TLDC2: variants seen among roughly 807,000 people sequenced by gnomAD.
The protein encoded by TLDC2 is TBC/LysM-associated domain containing 2, also known as TLD domain-containing protein 2.
A neutral mutation model predicts 27.9 loss-of-function variants in TLDC2; 23 were observed. That is an observed-to-expected ratio of 0.82 (90% confidence interval 0.59 to 1.17). The LOEUF is 1.17. Ranked by LOEUF, TLDC2 falls within the 50% of genes most tolerant of loss-of-function variation. The probability of loss-of-function intolerance (pLI) is 0.00; values close to 1 mark genes in which losing one functional copy is unlikely to be tolerated. For synonymous variants in TLDC2, 124 were observed against 107.4 expected, an observed-to-expected ratio of 1.16 and a Z score of -0.96; for missense variants, 286 against 273.4, an observed-to-expected ratio of 1.05 and a Z score of -0.32.
Position 36,877,933 on chromosome 20 carries a change from A to C in TLDC2, c.68A>C (p.Glu23Ala). The change falls in exon 2 of 7, where the codon GAG (glutamate) becomes GCG (alanine). Residue 23 changes from glutamate to alanine, a missense_variant. Physicochemically the swap from Glu to Ala is moderately radical, Grantham distance 107. Coordinates refer to ENST00000217320, the MANE Select transcript of TLDC2 (RefSeq NM_080628.3). ...GTGGAGGACACCCTGTCTGGGGAGG[A>C]GGGTAACGAAGAGGAAGAGGAGGAG... ...SQVEDTLSGEEGNEEEEEEEA... is the reference protein window; with the variant it reads ...SQVEDTLSGEAGNEEEEEEEA... 1 of 1,613,762 alleles carries C rather than the reference A, an allele frequency of 6.2e-7. No homozygotes were observed. The highest frequency in any genetic ancestry group is 8.5e-7 in the Non-Finnish European group (1 of 1,179,902).
In TLDC2 at chr20:36,892,988, G is replaced by A. The variant is rs1468297497; in HGVS notation, c.*144G>A. The A allele has an allele frequency of 1.7e-5, 27 of 1,613,916 alleles. No individual in the cohort carries two copies. Among genetic ancestry groups the A allele is most frequent in the Middle Eastern group, 1.6e-4 (1 of 6,084 alleles). ...CTGCTTTTGGATGCTTCTCGGAGGC[G>A]AGTTGGATTTTGGACTGAAGTACTG... On this transcript the variant is annotated 3_prime_UTR_variant, in exon 7 of 7. Transcript: ENST00000217320.
At chr20:36,880,325 C>T (rs530609498) in intron 3 of TLDC2, among the ~76,000 whole-genome samples, 1 of 151,818 alleles carries the variant, frequency 6.6e-6, no homozygotes, top group East Asian at 1.9e-4. Context: ...AACTCCTGAC[C>T]TCAGGTGATC....
rs1201213281 is a variant in TLDC2, at chr20:36,880,682, A to T, written c.370A>T (p.Ile124Phe). ...QIFGAFSSSA[I>F]RLSKGFYGTG... ...ATTTGGAGCCTTCTCCTCCTCGGCT[A>T]TCCGACTCAGCAAAGGCTTCTATGG... The change falls in exon 4 of 7, where the codon ATC (isoleucine) becomes TTC (phenylalanine). Residue 124 changes from isoleucine to phenylalanine, a missense_variant. Ile to Phe is a conservative substitution (Grantham distance 21, BLOSUM62 0). Transcript: ENST00000217320. 6.2e-7 allele frequency: 1 copy of T among 1,614,222 alleles called. No homozygotes were observed. Among genetic ancestry groups the T allele is most frequent in the South Asian group, 1.1e-5 (1 of 91,088 alleles).
At position 36,893,212 on chromosome 20, in the gene TLDC2, CA is replaced by C; in HGVS notation, c.*369del. 1.0e-6 allele frequency: 1 copy of C among 979,266 alleles called. No homozygotes were observed. Among genetic ancestry groups the C allele is most frequent in the Non-Finnish European group, 1.6e-6 (1 of 644,170 alleles). The allele number at this position is 979,266 out of a possible 1,614,324, so 60.7% of individuals were successfully genotyped here. A position where few individuals can be genotyped will look rare whatever the true frequency, so the allele number is the denominator to read the frequency against. On this transcript the variant is annotated 3_prime_UTR_variant, in exon 7 of 7. Coordinates refer to ENST00000217320, the MANE Select transcript of TLDC2 (RefSeq NM_080628.3). ...CTCAATCCAGGGAAACTCCAAATTA[CA>C]TATGCCCTGTGCTTGGGGCAAATTA... is the stretch of plus-strand genomic sequence containing the variant.
At chr20:36,887,417 C>G in intron 4 of TLDC2, 38 bp from the exon 5 acceptor site, 1 of 1,582,894 alleles carries the variant, frequency 6.3e-7, no homozygotes, top group South Asian at 1.1e-5. Flanking sequence ...GGGACTCGCT[C>G]GCTTAGTAAC....
intron 6 of TLDC2, chr20:36,890,329 C>T (rs950786082): frequency 2.0e-5 from 3 of 151,898 alleles, no homozygotes; most frequent in African/African-American, 4.8e-5. Context: ...TAACCACGTT[C>T]AGTAACTCTC....
Position 36,893,927 on chromosome 20 carries a change from A to C in TLDC2, c.*1083A>C. The C allele has an allele frequency of 2.5e-6, 1 of 398,450 alleles. No individual in the cohort carries two copies. Among genetic ancestry groups the C allele is most frequent in the Non-Finnish European group, 4.4e-6 (1 of 226,084 alleles). The allele number at this position is 398,450 out of a possible 1,614,324, so 24.7% of individuals were successfully genotyped here. On this transcript the variant is annotated 3_prime_UTR_variant, in exon 7 of 7. Coordinates refer to ENST00000217320, the MANE Select transcript of TLDC2 (RefSeq NM_080628.3). Reference sequence around the variant, plus strand: ...TTGGTCAGTGGGAGGCTCTGGTGGGAGACTGGAGGTGAGAAGAGGGCAGAG... The same window carrying C: ...TTGGTCAGTGGGAGGCTCTGGTGGGCGACTGGAGGTGAGAAGAGGGCAGAG...
chr20:36,892,042 A>C (rs913371362), intron 6 of TLDC2: 5 of 152,380 alleles, frequency 3.3e-5, no homozygotes, highest in African/African-American at 4.8e-5. Flanking sequence ...GTGAGTATTC[A>C]GGGGACAAAG....
chr20:36,893,327 A>G lies in TLDC2; in HGVS notation c.*483A>G. 1 of 535,862 alleles carries G rather than the reference A, an allele frequency of 1.9e-6. No individual in the cohort carries two copies. The highest frequency in any genetic ancestry group is 2.1e-5 in the South Asian group (1 of 47,988). 33.2% of individuals were successfully genotyped at this position (535,862 alleles called of 1,614,324 possible). ...GACTGGGAGCAGCATACCACTGCCC[A>G]CCTCTATGGCCTCCTTCACACACCT... On this transcript the variant is annotated 3_prime_UTR_variant, in exon 7 of 7. Coordinates refer to ENST00000217320, the MANE Select transcript of TLDC2 (RefSeq NM_080628.3).
chr20:36,886,981 T>C (rs1989934289), intron 4 of TLDC2, among the ~76,000 whole-genome samples: 1 of 152,038 alleles, frequency 6.6e-6, no homozygotes, highest in Non-Finnish European at 1.5e-5. Context: ...AGGGACCAGC[T>C]GGGAGGCTGT....
Position 36,893,066 on chromosome 20 carries a change from C to G in TLDC2, c.*222C>G. The G allele has an allele frequency of 6.2e-7, 1 of 1,612,758 alleles. No individual in the cohort carries two copies. Among genetic ancestry groups the G allele is most frequent in the Non-Finnish European group, 8.5e-7 (1 of 1,179,982 alleles). On this transcript the variant is annotated 3_prime_UTR_variant, in exon 7 of 7. Coordinates refer to ENST00000217320, the MANE Select transcript of TLDC2 (RefSeq NM_080628.3). ...ATGAGTGGGGCTATAACATCGCCAT[C>G]CTATTAGGAAGAGAGAGAAAAACAG...
intron 4 of TLDC2, among the ~76,000 whole-genome samples, chr20:36,886,627 G>T (rs948888537): frequency 8.6e-5 from 13 of 151,962 alleles, no homozygotes; most frequent in Non-Finnish European, 1.6e-4. Flanking sequence ...TTAGAGATAG[G>T]GGAGGGTCTT....
At chr20:36,880,079 A>ATATATATG (rs1555828542) in intron 3 of TLDC2, among the ~76,000 whole-genome samples, 4 of 47,348 alleles carry the variant, frequency 8.4e-5, no homozygotes, top group African/African-American at 2.1e-4. Flanking sequence ...ACATATATAT[A>ATATATATG]TATATATATA....
At chr20:36,891,961 G>A (rs1283142326) in intron 6 of TLDC2, 2 of 152,388 alleles carry the variant, frequency 1.3e-5, no homozygotes, top group Non-Finnish European at 2.9e-5. Flanking sequence ...AGCTCTCCAG[G>A]ATACTGAGAG....
At chr20:36,884,764 A>AAAATAAATAAATAAAT (rs11472647) in intron 4 of TLDC2, among the ~76,000 whole-genome samples, 11 of 144,572 alleles carry the variant, frequency 7.6e-5, no homozygotes, top group East Asian at 4.0e-4. Context: ...CCTGTCTCTA[A>AAAATAAATAAATAAAT]AAATAAATAA....
chr20:36,886,793 A>T lies in TLDC2; in HGVS notation c.439-662A>T, dbSNP rs964829891. ...ATTGCTGGGATTACAGGCATGAGCC[A>T]CTGCGCCAGTCCCAGGCTGCACTTC... On this transcript the variant is annotated intron_variant, in intron 4 of 6. Coordinates refer to ENST00000217320, the MANE Select transcript of TLDC2 (RefSeq NM_080628.3). 5.3e-5 allele frequency among the ~76,000 whole-genome samples: 8 copies of T among 152,192 alleles called. No homozygotes were observed. The East Asian group carries it at 1.6e-3, about 30-fold the overall frequency.
chr20:36,887,566 G>A, intron 5 of TLDC2, 38 bp downstream of exon 5: 1 of 1,588,304 alleles, frequency 6.3e-7, no homozygotes, highest in Non-Finnish European at 8.6e-7. Flanking sequence ...GGGGCGGTCT[G>A]TGTTCTGGTC....
chr20:36,880,058 AATATATATATACATAT>A (rs1379948363), intron 3 of TLDC2, among the ~76,000 whole-genome samples: 2 of 36,322 alleles, frequency 5.5e-5, no homozygotes, highest in South Asian at 1.2e-3. Flanking sequence ...ACTTGTGTAG[AATATATATATACATAT>A]ATATATATAT....
chr20:36,893,154 C>T lies in TLDC2; in HGVS notation c.*310C>T. The T allele has an allele frequency of 3.3e-6, 5 of 1,501,130 alleles. No homozygotes were observed. Among genetic ancestry groups the T allele is most frequent in the Non-Finnish European group, 3.7e-6 (4 of 1,091,064 alleles). 93.0% of individuals were successfully genotyped at this position (1,501,130 alleles called of 1,614,324 possible). A position where few individuals can be genotyped will look rare whatever the true frequency, so the allele number is the denominator to read the frequency against. ...GAGTGAAAGTCTCAAGTGCGCACAT[C>T]CTCATCTTGCATATAGATTGCTTCT... On this transcript the variant is annotated 3_prime_UTR_variant, in exon 7 of 7. Transcript: ENST00000217320.
Sources: allele counts gnomAD v4.1 joint callset (sites outside exome capture counted in the v4.1 genomes callset), GRCh38; gene constraint gnomAD v4.1.1; transcripts MANE v1.5; gene names NCBI Gene and HGNC (gene_info 2026-07-23, HGNC 2026-07-21).